The following STARD13 variants were observed in gnomAD, a reference collection of about 807,000 sequenced individuals.
STARD13 encodes the protein stAR-related lipid transfer protein 13.
Under a neutral mutation model 106.4 loss-of-function variants are expected in STARD13, and 62 were observed. The observed-to-expected ratio is 0.58, with a 90% CI of 0.48 to 0.72. The LOEUF (loss-of-function observed/expected upper bound fraction) is 0.72. Ranked by LOEUF, STARD13 falls within the 30% of genes least tolerant of loss-of-function variation. STARD13 has a pLI of 0.00. For missense variants in STARD13, 1,387 were observed against 1,424.0 expected (o/e 0.97, Z 0.42); for synonymous variants, 565 against 553.0 (o/e 1.02, Z -0.31).
At chr13:33,572,611 A>G in the STARD13 span, among the ~76,000 whole-genome samples, 1 of 152,110 alleles carries the variant, frequency 6.6e-6, no homozygotes, top group South Asian at 2.1e-4. Context: ...AATACAAACT[A>G]TTTTTTCAAA....
the STARD13 span, among the ~76,000 whole-genome samples, chr13:33,588,501 T>C: frequency 6.6e-6 from 1 of 152,320 alleles, no homozygotes; most frequent in African/African-American, 2.4e-5. Flanking sequence ...CATCATCTAA[T>C]GCATTCCTAA....
chr13:33,608,447 G>A, the STARD13 span, among the ~76,000 whole-genome samples: 2 of 152,062 alleles, frequency 1.3e-5, no homozygotes, highest in African/African-American at 4.8e-5. Context: ...AGAAAAATAG[G>A]AAGAGGGAAA....
intron 1 of STARD13, chr13:33,350,254 C>A (rs1476294236): frequency 1.3e-6 from 2 of 1,510,682 alleles, no homozygotes; most frequent in African/African-American, 1.4e-5. Context: ...GCGCCTCCCC[C>A]GCCCCCGTGG....
intron 1 of STARD13, among the ~76,000 whole-genome samples, chr13:33,220,099 C>T (rs933480864): frequency 1.3e-5 from 2 of 152,124 alleles, no homozygotes; most frequent in Non-Finnish European, 2.9e-5. Context: ...CTGTTTTGGA[C>T]ATTGATATAT....
chr13:33,216,810 C>A (rs1344347434), intron 1 of STARD13, among the ~76,000 whole-genome samples: 1 of 152,118 alleles, frequency 6.6e-6, no homozygotes, highest in Non-Finnish European at 1.5e-5. Context: ...CTGAGAATGA[C>A]CGCATTGTCT....
chr13:33,128,006 TAGATGGAG>T (rs113124623), intron 5 of STARD13, among the ~76,000 whole-genome samples: 81,566 of 149,896 alleles, frequency 0.54, 23,133 homozygotes, highest in Non-Finnish European at 0.63. Flanking sequence ...GAGACAGATG[TAGATGGAG>T]AGATGGAGAG....
chr13:33,221,196 T>A (rs892926439), intron 1 of STARD13, among the ~76,000 whole-genome samples: 1 of 152,202 alleles, frequency 6.6e-6, no homozygotes, highest in Admixed American at 6.5e-5. Flanking sequence ...CAGAACTTTT[T>A]CATCTTGCAA....
the STARD13 span, among the ~76,000 whole-genome samples, chr13:33,502,820 A>G: frequency 1.3e-5 from 2 of 152,192 alleles, no homozygotes; most frequent in Non-Finnish European, 2.9e-5. Flanking sequence ...TTCAATGTTC[A>G]TCAGGGATAT....
chr13:33,591,625 A>C, the STARD13 span, among the ~76,000 whole-genome samples: 1 of 152,178 alleles, frequency 6.6e-6, no homozygotes, highest in African/African-American at 2.4e-5. Flanking sequence ...AAAATAATCT[A>C]TTTGATATCC....
chr13:33,643,202 CAGAT>C, the STARD13 span, among the ~76,000 whole-genome samples: 1 of 149,656 alleles, frequency 6.7e-6, no homozygotes, highest in African/African-American at 2.5e-5. Context: ...CACACACACA[CAGAT>C]AGAGGAGGAC....
At chr13:33,325,642 A>T (rs187189964) in intron 1 of STARD13, among the ~76,000 whole-genome samples, 1 of 152,274 alleles carries the variant, frequency 6.6e-6, no homozygotes, top group African/African-American at 2.4e-5. Flanking sequence ...TGCATCCCCA[A>T]ATCACCTTAG....
At position 33,332,126 on chromosome 13, in the gene STARD13, C is replaced by T. The variant is rs144332433; in HGVS notation, c.124+18164G>A. ...AGCTGCAGAGGAGCTGGCTACCTGT[C>T]GACCCCATTCCCTAAACCTCTCCCT... On this transcript the variant is annotated intron_variant, in intron 1 of 5. Coordinates refer to the STARD13 transcript ENST00000567873. Among the ~76,000 whole-genome samples, 37 of 152,272 alleles carry T rather than the reference C, an allele frequency of 2.4e-4. No individual in the cohort carries two copies. The East Asian group carries it at 2.7e-3, about 11-fold the overall frequency.
chr13:33,598,995 CT>C, the STARD13 span, among the ~76,000 whole-genome samples: 1 of 152,116 alleles, frequency 6.6e-6, no homozygotes, highest in Non-Finnish European at 1.5e-5. Context: ...ATGTAAGAAA[CT>C]TTTGGGAGTG....
At chr13:33,154,342 C>A (rs2138298966) in intron 3 of STARD13, among the ~76,000 whole-genome samples, 1 of 152,236 alleles carries the variant, frequency 6.6e-6, no homozygotes, top group South Asian at 2.1e-4. Context: ...CTGTTCCAGT[C>A]CATAAACCCC....
intron 7 of STARD13, among the ~76,000 whole-genome samples, chr13:33,124,349 C>G (rs971270723): frequency 6.6e-6 from 1 of 152,216 alleles, no homozygotes; most frequent in Non-Finnish European, 1.5e-5. Flanking sequence ...CTTCGATGTC[C>G]TACGGATTCT....
rs1475517823 is a variant in STARD13 at position 33,110,830 on chromosome 13, C to T, written c.2685G>A (p.Leu895=). 4.3e-6 allele frequency: 7 copies of T among 1,614,030 alleles called. No individual in the cohort carries two copies. In the Admixed American group the frequency reaches 1.2e-4, roughly 27 times the overall value. ...AEIHVPTLEE[L]GTQLEESGAT... ...CCCCACTCTCCTCCAGCTGTGTCCC[C>T]AATTCTTCCAGGGTTGGCACGTGGA... The change falls in exon 11 of 14, where the codon TTG becomes TTA. Residue 895 remains leucine (L), a synonymous_variant. Transcript: ENST00000336934.
At chr13:33,375,975 C>T in the STARD13 span, among the ~76,000 whole-genome samples, 1 of 151,896 alleles carries the variant, frequency 6.6e-6, no homozygotes, top group African/African-American at 2.4e-5. Context: ...TGGTTTTGAC[C>T]ACATTACTTA....
the STARD13 span, among the ~76,000 whole-genome samples, chr13:33,420,828 A>G: frequency 6.6e-6 from 1 of 152,242 alleles, no homozygotes. Context: ...CCACATGGAA[A>G]CTGAACAACC....
At chr13:33,593,499 A>G in the STARD13 span, among the ~76,000 whole-genome samples, 5 of 152,092 alleles carry the variant, frequency 3.3e-5, no homozygotes, top group Non-Finnish European at 7.4e-5. Context: ...TTACTTTTAA[A>G]CTGTCAGAAC....
Sources: gnomAD v4.1 joint callset for allele counts (sites outside exome capture counted in the v4.1 genomes callset) on GRCh38, gnomAD v4.1.1 for gene constraint, MANE v1.5 for transcripts, NCBI Gene and HGNC (gene_info 2026-07-23, HGNC 2026-07-21) for gene names.